MAGI2: variants seen among roughly 807,000 people sequenced by gnomAD.
The protein encoded by MAGI2 is membrane associated guanylate kinase, WW and PDZ domain containing 2, also known as membrane-associated guanylate kinase, WW and PDZ domain-containing protein 2.
Under a neutral mutation model 133.3 loss-of-function variants are expected in MAGI2, and 35 were observed. The ratio of observed to expected loss-of-function variants is 0.26; its 90% CI spans 0.20 to 0.35. The LOEUF (loss-of-function observed/expected upper bound fraction) is 0.35, where lower values mean the gene tolerates loss of function less well. Ranked by LOEUF, MAGI2 falls within the 10% of genes least tolerant of loss-of-function variation. MAGI2 has a pLI of 1.00. For missense variants in MAGI2, 1,636 were observed against 1,863.4 expected (o/e 0.88, Z 2.25); for synonymous variants, 729 against 710.6 (o/e 1.03, Z -0.41).
chr7:78,045,914 T>C (rs9655778), intron 21 of MAGI2, among the ~76,000 whole-genome samples: 1,658 of 152,296 alleles, frequency 0.011, 18 homozygotes, highest in African/African-American at 0.031. Context: ...TTGTGATACT[T>C]GCTCTATTGG....
At chr7:78,885,268 C>T (rs1478228598) in intron 2 of MAGI2, among the ~76,000 whole-genome samples, 4 of 152,084 alleles carry the variant, frequency 2.6e-5, no homozygotes, top group Admixed American at 1.3e-4. Flanking sequence ...GAGATATACT[C>T]ATGTAACAAA....
intron 10 of MAGI2, among the ~76,000 whole-genome samples, chr7:78,242,089 T>C (rs1394262466): frequency 1.3e-5 from 2 of 152,196 alleles, no homozygotes; most frequent in East Asian, 3.9e-4. Flanking sequence ...TTTTAATTCC[T>C]GGACACACAA....
At chr7:78,050,221 A>G (rs936460172) in intron 21 of MAGI2, among the ~76,000 whole-genome samples, 1 of 152,166 alleles carries the variant, frequency 6.6e-6, no homozygotes, top group South Asian at 2.1e-4. Flanking sequence ...ACACATTTTC[A>G]TACTCAATTT....
chr7:78,300,532 A>G (rs1048243347), intron 9 of MAGI2, among the ~76,000 whole-genome samples: 1 of 152,222 alleles, frequency 6.6e-6, no homozygotes, highest in African/African-American at 2.4e-5. Context: ...TTAACAGCCC[A>G]CGGTGGCAAT....
rs746424350 is a variant in MAGI2, at chr7:79,228,354, C to CAAAAAAAAAAAAAAA, written c.302-221163_302-221149dup. ...CAAGACCCTGTCTCAAAAAAACAGGCAAAAAAAAAAAAAAAAGATCGTGGG... is the reference window on the plus strand; with the variant it reads ...CAAGACCCTGTCTCAAAAAAACAGGCAAAAAAAAAAAAAAAAAAAAAAAAAAAAAAAGATCGTGGG... On this transcript the variant is annotated intron_variant, in intron 1 of 21. Transcript: ENST00000354212. Among the ~76,000 whole-genome samples the CAAAAAAAAAAAAAAA allele has an allele frequency of 1.8e-3, 57 of 31,400 alleles. 4 individuals carry two copies. Among genetic ancestry groups the CAAAAAAAAAAAAAAA allele is most frequent in the Non-Finnish European group, 2.1e-3 (26 of 12,656 alleles). 20.6% of individuals were successfully genotyped at this position (31,400 alleles called of 152,430 possible).
chr7:78,383,106 T>G (rs1293622939), intron 6 of MAGI2, among the ~76,000 whole-genome samples: 1 of 152,096 alleles, frequency 6.6e-6, no homozygotes, highest in African/African-American at 2.4e-5. Flanking sequence ...TATTGATTTC[T>G]TTTGCTTTGA....
intron 1 of MAGI2, among the ~76,000 whole-genome samples, chr7:79,308,944 AT>A (rs1252865692): frequency 2.6e-5 from 4 of 151,920 alleles, no homozygotes; most frequent in East Asian, 1.9e-4. Context: ...AAAGTTGAAC[AT>A]TTTTTTAAAC....
At chr7:78,437,411 A>C (rs1800402189) in intron 6 of MAGI2, among the ~76,000 whole-genome samples, 1 of 152,244 alleles carries the variant, frequency 6.6e-6, no homozygotes, top group East Asian at 1.9e-4. Context: ...CACTGAGGGC[A>C]TAACAGATTC....
rs141724608 is a variant in MAGI2 at position 79,141,670 on chromosome 7, C to T, written c.302-134464G>A. Among the ~76,000 whole-genome samples the T allele has an allele frequency of 5.7e-4, 87 of 152,152 alleles. 1 individual carries two copies. The highest frequency in any genetic ancestry group is 1.9e-3 in the African/African-American group (79 of 41,542). On this transcript the variant is annotated intron_variant, in intron 1 of 21. Coordinates refer to ENST00000354212, the MANE Select transcript of MAGI2 (RefSeq NM_012301.4). ...ACGTTGTGTTCAATAATACCCAAAA[C>T]GTCAATTCCAGACTTTCTAGCTTCT...
intron 20 of MAGI2, among the ~76,000 whole-genome samples, chr7:78,093,751 C>T (rs1194469663): frequency 6.6e-6 from 1 of 152,068 alleles, no homozygotes; most frequent in Non-Finnish European, 1.5e-5. Context: ...ATACTTATGC[C>T]ACGAGATACA....
chr7:79,148,238 T>C (rs1485195524), intron 1 of MAGI2, among the ~76,000 whole-genome samples: 1 of 152,184 alleles, frequency 6.6e-6, no homozygotes, highest in East Asian at 1.9e-4. Flanking sequence ...GAATGTGGGA[T>C]GTTCACCCTT....
chr7:78,303,287 G>T (rs968484299), intron 9 of MAGI2, among the ~76,000 whole-genome samples: 9 of 148,246 alleles, frequency 6.1e-5, no homozygotes, highest in African/African-American at 2.2e-4. Flanking sequence ...GTTGAGACAG[G>T]AGAATCTCTC....
chr7:79,256,782 C>G (rs373108497), intron 1 of MAGI2, among the ~76,000 whole-genome samples: 1 of 151,988 alleles, frequency 6.6e-6, no homozygotes, highest in Non-Finnish European at 1.5e-5. Flanking sequence ...TGAGCCACCA[C>G]GCCCCGCAAA....
At chr7:79,151,561 G>T (rs1823244353) in intron 1 of MAGI2, among the ~76,000 whole-genome samples, 1 of 152,052 alleles carries the variant, frequency 6.6e-6, no homozygotes, top group South Asian at 2.1e-4. Context: ...CTGATATCAA[G>T]TATAGTGTGA....
intron 6 of MAGI2, among the ~76,000 whole-genome samples, chr7:78,413,348 T>C (rs1188395961): frequency 1.3e-5 from 2 of 152,092 alleles, no homozygotes; most frequent in African/African-American, 4.8e-5. Flanking sequence ...AAATTATCCA[T>C]ATTCATTTAT....
At chr7:78,241,793 G>T (rs1386876920) in intron 10 of MAGI2, among the ~76,000 whole-genome samples, 2 of 151,974 alleles carry the variant, frequency 1.3e-5, no homozygotes, top group East Asian at 1.9e-4. Context: ...AATTAGCAGG[G>T]TGTGGTGGTG....
chr7:78,800,726 G>T (rs570037831), intron 2 of MAGI2, among the ~76,000 whole-genome samples: 2 of 152,160 alleles, frequency 1.3e-5, no homozygotes, highest in African/African-American at 4.8e-5. Context: ...ATTGTGTCTT[G>T]CTCAGTAGGA....
intron 9 of MAGI2, among the ~76,000 whole-genome samples, chr7:78,277,946 A>G (rs902666918): frequency 1.3e-5 from 2 of 152,174 alleles, no homozygotes; most frequent in African/African-American, 4.8e-5. Flanking sequence ...ATTGGGAAAG[A>G]GAAAACACAT....
intron 1 of MAGI2, among the ~76,000 whole-genome samples, chr7:79,022,685 G>A (rs1809464504): frequency 2.1e-5 from 3 of 143,158 alleles, no homozygotes; most frequent in African/African-American, 5.1e-5. Context: ...ATGACAAAGG[G>A]GACATTACAA....
Sources: gnomAD v4.1 joint callset for allele counts (sites outside exome capture counted in the v4.1 genomes callset) on GRCh38, gnomAD v4.1.1 for gene constraint, MANE v1.5 for transcripts, NCBI Gene and HGNC (gene_info 2026-07-23, HGNC 2026-07-21) for gene names.